Variants in MDN1 observed in about 807,000 individuals in gnomAD.
The protein encoded by MDN1 is midasin.
MDN1 carries 266 observed loss-of-function variants against 669.2 expected under a neutral mutation model. The ratio of observed to expected loss-of-function variants is 0.40; its 90% confidence interval spans 0.36 to 0.44. The LOEUF (loss-of-function observed/expected upper bound fraction) is 0.44. Among genes scored for constraint, MDN1 ranks in the 20% least tolerant of loss-of-function variants. The pLI, the probability that MDN1 is intolerant of heterozygous loss-of-function variation, is 1.00. For synonymous variants in MDN1, 2,385 were observed against 2,457.1 expected (o/e 0.97, Z 0.87); for missense variants, 5,940 against 6,754.0 (o/e 0.88, Z 4.22).
At position 89,712,738 on chromosome 6, in the gene MDN1, C is replaced by T. The variant is rs1814033499; in HGVS notation, c.7267G>A (p.Glu2423Lys). 1.2e-6 allele frequency: 2 copies of T among 1,614,066 alleles called. No individual in the cohort carries two copies. The highest frequency in any genetic ancestry group is 2.7e-5 in the African/African-American group (2 of 74,916). Residue 2423 changes from glutamate to lysine, a missense_variant, in exon 48 of 102, where the codon GAA becomes AAA. Glu to Lys is a moderately conservative substitution (Grantham distance 56, BLOSUM62 1). Transcript: ENST00000369393. The stretch of plus-strand genomic sequence containing the variant: ...CCAAGAATGGAGTCTCCCCAGGTTT[C>T]ATGTGCTCGCAAAGAAGAAACATGT... ...EKHVSSLRAH[E>K]TWGDSILGMG...
Position 89,749,722 on chromosome 6 carries a change from A to C in MDN1, c.3436T>G (p.Tyr1146Asp), listed in dbSNP as rs1816852439. 3 of 1,613,450 alleles carry C rather than the reference A, an allele frequency of 1.9e-6. No homozygotes were observed. Among genetic ancestry groups the C allele is most frequent in the Admixed American group, 3.3e-5 (2 of 59,994 alleles). Reference sequence around the variant, plus strand: ...TTTAATTCATCTAAAATAATCCAATAGCCTTTTCTCATGGCATCAATAAGA... The same window carrying C: ...TTTAATTCATCTAAAATAATCCAATCGCCTTTTCTCATGGCATCAATAAGA... The part of the protein sequence containing the change: ...GVLIDAMRKG[Y>D]WIILDELNLA... Residue 1146 changes from tyrosine (Y) to aspartate (D), a missense_variant, in exon 25 of 102, where the codon TAT becomes GAT. Around this residue, in one of 5 missense-constraint regions of MDN1, gnomAD observed 2,292 missense variants for 2,638.3 expected, o/e 0.87. Coordinates refer to ENST00000369393, the MANE Select transcript of MDN1 (RefSeq NM_014611.3).
At chr6:89,754,048 A>G (rs1416586499) in intron 21 of MDN1, 35 bp downstream of exon 21, 2 of 1,598,098 alleles carry the variant, frequency 1.3e-6, no homozygotes, top group South Asian at 2.3e-5. Context: ...CCCATCCATT[A>G]AGCTCATATC....
At chr6:89,741,015 T>C (rs1038284530) in intron 31 of MDN1, among the ~76,000 whole-genome samples, 3 of 152,334 alleles carry the variant, frequency 2.0e-5, no homozygotes, top group Non-Finnish European at 2.9e-5. Flanking sequence ...GGAGATCACT[T>C]GAGGCCAGGA....
chr6:89,732,802 T>G, intron 33 of MDN1, 27 bp from the exon 34 acceptor site: 2 of 1,607,156 alleles, frequency 1.2e-6, no homozygotes, highest in Non-Finnish European at 8.5e-7. Flanking sequence ...AAAAAAGCAT[T>G]TGCTGTTAAC....
chr6:89,766,057 C>T (rs1056856184), intron 15 of MDN1, among the ~76,000 whole-genome samples: 3 of 152,084 alleles, frequency 2.0e-5, no homozygotes, highest in African/African-American at 4.8e-5. Flanking sequence ...CACTTTGGGA[C>T]GCTGAGGCAG....
At chr6:89,732,843 G>A in intron 33 of MDN1, 68 bp from the exon 34 acceptor site, 3 of 1,458,124 alleles carry the variant, frequency 2.1e-6, no homozygotes, top group Non-Finnish European at 2.8e-6. Flanking sequence ...TTCATAACCA[G>A]GGGCACACAA....
chr6:89,803,879 CCTTTT>C lies in MDN1; in HGVS notation c.103-330_103-326del, dbSNP rs1489140937. 8.0e-3 allele frequency among the ~76,000 whole-genome samples: 869 copies of C among 108,086 alleles called. 22 individuals carry two copies. The highest frequency in any genetic ancestry group is 0.016 in the South Asian group (54 of 3,276). The allele number at this position is 108,086 out of a possible 152,430, so 70.9% of individuals were successfully genotyped here. On this transcript the variant is annotated intron_variant, in intron 1 of 101. Transcript: ENST00000369393. ...TACAGGCGTGAGCCACCGCGCCCGG[CCTTTT>C]CTTTTCTTTTCTTTTTTTTTTTTTT...
chr6:89,648,346 TA>T lies in MDN1; in HGVS notation c.16207-18del. The T allele has an allele frequency of 6.2e-7, 1 of 1,610,958 alleles. No homozygotes were observed. The highest frequency in any genetic ancestry group is 1.1e-5 in the South Asian group (1 of 91,004). The stretch of plus-strand genomic sequence containing the variant: ...AAATGCAAGCTGTGAATTAGAAAGT[TA>T]ATGATTTTAGGAATCAGAATATCCT... On this transcript the variant is annotated intron_variant, in intron 97 of 101. Transcript: ENST00000369393.
chr6:89,690,225 A>G, intron 64 of MDN1, 82 bp from the exon 65 acceptor site: 2 of 1,432,416 alleles, frequency 1.4e-6, no homozygotes, highest in Non-Finnish European at 1.9e-6. Flanking sequence ...AGAAAAAAGC[A>G]TAAGAATGAC....
At position 89,714,250 on chromosome 6, in the gene MDN1, T is replaced by C. The variant is rs1358865953; in HGVS notation, c.7069+293A>G. Among the ~76,000 whole-genome samples, 4 of 152,146 alleles carry C rather than the reference T, an allele frequency of 2.6e-5. No homozygotes were observed. In the South Asian group the frequency reaches 6.2e-4, roughly 24 times the overall value. On this transcript the variant is annotated intron_variant, in intron 46 of 101. Coordinates refer to ENST00000369393, the MANE Select transcript of MDN1 (RefSeq NM_014611.3). Reference sequence around the variant, plus strand: ...GCTGTTGATGACCCTGGAGAAATGATGGGCAAACTTCATAAACCTCAGTGC... The same window carrying C: ...GCTGTTGATGACCCTGGAGAAATGACGGGCAAACTTCATAAACCTCAGTGC...
rs561588078 is a variant in MDN1 at position 89,663,000 on chromosome 6, T to G, written c.14237-33A>C. 1.6e-5 allele frequency: 25 copies of G among 1,612,586 alleles called. No individual in the cohort carries two copies. The South Asian group carries it at 2.6e-4, about 17-fold the overall frequency. ...GGAAGGCACTGAGCTTAGGCAGATC[T>G]CCAAACTGACCCAGTCCTGTGTATT... On this transcript the variant is annotated intron_variant, in intron 85 of 101. Transcript: ENST00000369393.
intron 1 of MDN1, among the ~76,000 whole-genome samples, chr6:89,813,560 A>AC (rs1768596594): frequency 6.6e-6 from 1 of 151,432 alleles, no homozygotes; most frequent in South Asian, 2.1e-4. Context: ...AAAAAAAAAA[A>AC]AAAAAACAAA....
In MDN1 at chr6:89,696,520, T is replaced by G. The variant is rs757747526; in HGVS notation, c.9223A>C (p.Thr3075Pro). 1 of 1,614,162 alleles carries G rather than the reference T, an allele frequency of 6.2e-7. No individual in the cohort carries two copies. The highest frequency in any genetic ancestry group is 1.3e-5 in the African/African-American group (1 of 75,044). ...IFSKCCFEVL[T>P]SSWRASPWDV... Reference sequence around the variant, plus strand: ...CAGGGACTTGCTCTCCAGCTGCTGGTTAAGACTTCAAAGCAGCACTTAGAG... The same window carrying G: ...CAGGGACTTGCTCTCCAGCTGCTGGGTAAGACTTCAAAGCAGCACTTAGAG... The change falls in exon 60 of 102, where the codon ACC becomes CCC. Residue 3075 changes from threonine to proline, a missense_variant. By Grantham distance (38) the Thr-to-Pro change is conservative. Coordinates refer to ENST00000369393, the MANE Select transcript of MDN1 (RefSeq NM_014611.3).
intron 73 of MDN1, 76 bp downstream of exon 73, chr6:89,683,056 G>C: frequency 7.1e-7 from 1 of 1,416,270 alleles, no homozygotes; most frequent in Non-Finnish European, 9.9e-7. Flanking sequence ...TAGTACTGAG[G>C]CATGCCTTGC....
At position 89,657,921 on chromosome 6, in the gene MDN1, G is replaced by A. The variant is rs150085501; in HGVS notation, c.15183+288C>T. ...TACTGTACAGGTTTGCAGCCTAAGG[G>A]CAATTGGCTCTACCATTGAGGTTTG... is the stretch of plus-strand genomic sequence containing the variant. On this transcript the variant is annotated intron_variant, in intron 90 of 101. Transcript: ENST00000369393. Among the ~76,000 whole-genome samples, 14 of 152,322 alleles carry A rather than the reference G, an allele frequency of 9.2e-5. No individual in the cohort carries two copies. The East Asian group carries it at 2.1e-3, about 23-fold the overall frequency.
intron 1 of MDN1, chr6:89,814,942 A>G: frequency 2.0e-6 from 1 of 488,234 alleles, no homozygotes; most frequent in South Asian, 1.8e-5. Context: ...TCGCTCAGCT[A>G]AGAGCACCCT....
At chr6:89,733,903 G>C (rs777817956) in intron 33 of MDN1, among the ~76,000 whole-genome samples, 4 of 139,450 alleles carry the variant, frequency 2.9e-5, no homozygotes, top group Non-Finnish European at 6.5e-5. Context: ...ATATATAAAG[G>C]TAACAGAATA....
intron 21 of MDN1, 48 bp from the exon 22 acceptor site, chr6:89,753,670 T>C (rs911390139): frequency 2.1e-6 from 3 of 1,406,826 alleles, no homozygotes; most frequent in African/African-American, 2.8e-5. Context: ...CCTTCTGCAA[T>C]ACAACCAAAC....
At chr6:89,776,766 C>A in intron 11 of MDN1, 71 bp from the exon 12 acceptor site, 1 of 1,135,646 alleles carries the variant, frequency 8.8e-7, no homozygotes, top group South Asian at 1.6e-5. Flanking sequence ...CATCATTTTC[C>A]TGGCCACAAG....
Sources: allele counts gnomAD v4.1 joint callset (sites outside exome capture counted in the v4.1 genomes callset), GRCh38; gene constraint gnomAD v4.1.1; regional missense constraint gnomAD v4.1.1; transcripts MANE v1.5; gene names NCBI Gene and HGNC (gene_info 2026-07-23, HGNC 2026-07-21).